TMEM232: variants seen among roughly 807,000 people sequenced by gnomAD.
TMEM232 encodes the protein transmembrane protein 232.
Under a neutral mutation model 78.8 loss-of-function variants are expected in TMEM232, and 80 were observed. The observed-to-expected ratio is 1.01, with a 90% CI of 0.85 to 1.22. The LOEUF is 1.22. TMEM232 is among the 50% of genes most tolerant of loss of function. The pLI, the probability that TMEM232 is intolerant of heterozygous loss-of-function variation, is 0.00. For synonymous variants in TMEM232, 297 were observed against 254.3 expected (o/e 1.17, Z -1.60); for missense variants, 881 against 742.2 (o/e 1.19, Z -2.17).
intron 11 of TMEM232, among the ~76,000 whole-genome samples, chr5:110,563,045 T>C (rs1775931033): frequency 2.0e-5 from 3 of 152,128 alleles, no homozygotes; most frequent in South Asian, 2.1e-4. Context: ...CCTAAATCAA[T>C]ATAACTGCTT....
intron 9 of TMEM232, 82 bp downstream of exon 9, chr5:110,606,082 T>G: frequency 7.3e-7 from 1 of 1,363,476 alleles, no homozygotes; most frequent in Non-Finnish European, 9.8e-7. Flanking sequence ...TATGCGCTAA[T>G]ACGATATACA....
chr5:110,547,971 C>G (rs1773984080), intron 11 of TMEM232, among the ~76,000 whole-genome samples: 1 of 138,926 alleles, frequency 7.2e-6, no homozygotes, highest in African/African-American at 2.8e-5. Context: ...GCACTCCAGC[C>G]TGGGTGACAC....
intron 10 of TMEM232, among the ~76,000 whole-genome samples, chr5:110,569,437 A>G (rs1420668059): frequency 6.6e-6 from 1 of 151,888 alleles, no homozygotes; most frequent in African/African-American, 2.4e-5. Flanking sequence ...AAAATAATAC[A>G]GTTATCATAG....
intron 2 of TMEM232, among the ~76,000 whole-genome samples, chr5:110,660,238 C>T (rs1461912679): frequency 6.6e-6 from 1 of 151,736 alleles, no homozygotes; most frequent in African/African-American, 2.4e-5. Context: ...AACTTCTCAA[C>T]AGCAATAATG....
At chr5:110,397,413 A>G (rs1251170439) in intron 3 of TMEM232, among the ~76,000 whole-genome samples, 1 of 152,172 alleles carries the variant, frequency 6.6e-6, no homozygotes, top group African/African-American at 2.4e-5. Context: ...GTAGGGAGCA[A>G]AGAGAAAGCA....
chr5:110,422,023 G>T (rs1756694939), intron 13 of TMEM232, among the ~76,000 whole-genome samples: 2 of 152,076 alleles, frequency 1.3e-5, no homozygotes, highest in Admixed American at 1.3e-4. Flanking sequence ...TCAGGCACAG[G>T]CTGAAATTCA....
intron 11 of TMEM232, among the ~76,000 whole-genome samples, chr5:110,550,548 C>A (rs1313560062): frequency 1.3e-5 from 2 of 151,548 alleles, no homozygotes; most frequent in African/African-American, 4.8e-5. Flanking sequence ...AATTAACACA[C>A]AAAACTAAAT....
chr5:110,507,062 TC>T (rs1766993260), intron 12 of TMEM232, among the ~76,000 whole-genome samples: 1 of 152,154 alleles, frequency 6.6e-6, no homozygotes. Context: ...GTACTACTAC[TC>T]ACTGGGTCTA....
chr5:110,696,409 C>A (rs184135233), intron 1 of TMEM232, among the ~76,000 whole-genome samples: 61 of 152,268 alleles, frequency 4.0e-4, no homozygotes, highest in African/African-American at 1.4e-3. Flanking sequence ...GGGATGCCCT[C>A]TCTCACCACT....
rs181276021 is a variant in TMEM232, at chr5:110,652,865, T to C, written c.126-10494A>G. Among the ~76,000 whole-genome samples, 282 of 152,330 alleles carry C rather than the reference T, an allele frequency of 1.9e-3. 5 individuals are homozygous for C. Among genetic ancestry groups the C allele is most frequent in the Admixed American group, 0.017 (253 of 15,292 alleles). On this transcript the variant is annotated intron_variant, in intron 2 of 13. Coordinates refer to ENST00000455884, the MANE Select transcript of TMEM232 (RefSeq NM_001039763.4). ...TCACAAAGATAATCTAGTCTAAATA[T>C]GTAAGAGCAGTCCTGTGGAACACAC...
intron 4 of TMEM232, among the ~76,000 whole-genome samples, chr5:110,640,342 C>T (rs577529774): frequency 6.6e-6 from 1 of 152,042 alleles, no homozygotes; most frequent in African/African-American, 2.4e-5. Flanking sequence ...CTTTAAAAGG[C>T]ATATATATAC....
chr5:110,713,126 T>C (rs1237475015), intron 1 of TMEM232, among the ~76,000 whole-genome samples: 1 of 151,238 alleles, frequency 6.6e-6, no homozygotes, highest in Non-Finnish European at 1.5e-5. Flanking sequence ...GTCATTATGT[T>C]AAGAGAAAAA....
intron 1 of TMEM232, among the ~76,000 whole-genome samples, chr5:110,677,246 T>C (rs1332826425): frequency 6.6e-6 from 1 of 152,182 alleles, no homozygotes; most frequent in Admixed American, 6.5e-5. Context: ...GTCTAATTTT[T>C]TTTTTCTATT....
intron 8 of TMEM232, 29 bp from the exon 9 acceptor site, chr5:110,606,316 G>C (rs1402767552): frequency 2.7e-6 from 4 of 1,471,790 alleles, no homozygotes; most frequent in Middle Eastern, 1.8e-4. Flanking sequence ...AAAGGATAAA[G>C]ATTTTAATGG....
At chr5:110,437,863 T>C (rs1758605378) in intron 12 of TMEM232, among the ~76,000 whole-genome samples, 1 of 152,146 alleles carries the variant, frequency 6.6e-6, no homozygotes, top group Non-Finnish European at 1.5e-5. Context: ...TGGGCTTGCT[T>C]CTTGTACCTA....
intron 12 of TMEM232, among the ~76,000 whole-genome samples, chr5:110,487,894 C>A (rs1165361312): frequency 6.6e-6 from 1 of 151,878 alleles, no homozygotes; most frequent in African/African-American, 2.4e-5. Flanking sequence ...CTTTCTCTAT[C>A]TTGTGGAATA....
intron 1 of TMEM232, among the ~76,000 whole-genome samples, chr5:110,695,033 A>T (rs950603329): frequency 2.6e-5 from 4 of 152,224 alleles, no homozygotes; most frequent in African/African-American, 9.6e-5. Context: ...CTATTCCAAA[A>T]TTGAACACAT....
At chr5:110,415,513 A>G (rs1309754602), downstream of TMEM232, among the ~76,000 whole-genome samples, 1 of 150,696 alleles carries the variant, frequency 6.6e-6, no homozygotes, top group Non-Finnish European at 1.5e-5. Context: ...ACCCTCCACA[A>G]TGTCTCTGCT....
intron 5 of TMEM232, among the ~76,000 whole-genome samples, chr5:110,634,886 C>T (rs112833087): frequency 0.041 from 6,259 of 151,728 alleles, 199 homozygotes; most frequent in Non-Finnish European, 0.058. Context: ...AAAAGCAACA[C>T]AAAAGATGAA....
Sources: gnomAD v4.1 joint callset for allele counts (sites outside exome capture counted in the v4.1 genomes callset) on GRCh38, gnomAD v4.1.1 for gene constraint, MANE v1.5 for transcripts, NCBI Gene and HGNC (gene_info 2026-07-23, HGNC 2026-07-21) for gene names.